RBFOX1: variants seen among roughly 807,000 people sequenced by gnomAD.
The protein encoded by RBFOX1 is RNA binding protein fox-1 homolog 1.
In RBFOX1, 8 loss-of-function variants were observed where a neutral mutation model predicts 57.7. The ratio of observed to expected loss-of-function variants is 0.14; its 90% confidence interval spans 0.08 to 0.25. The LOEUF (loss-of-function observed/expected upper bound fraction) is 0.25. Ranked by LOEUF, RBFOX1 falls within the 10% of genes least tolerant of loss-of-function variation. The pLI is 1.00. For missense variants in RBFOX1, 611 were observed against 548.5 expected (o/e 1.11, Z -1.14); for synonymous variants, 326 against 222.4 (o/e 1.47, Z -4.15).
At chr16:6,822,471 T>A (rs1603628977) in intron 3 of RBFOX1, among the ~76,000 whole-genome samples, 1 of 152,176 alleles carries the variant, frequency 6.6e-6, no homozygotes, top group East Asian at 1.9e-4. Flanking sequence ...GAGAAAGGGT[T>A]ATAAATAAAA....
intron 4 of RBFOX1, among the ~76,000 whole-genome samples, chr16:5,960,995 T>C (rs2059736779): frequency 6.6e-6 from 1 of 152,132 alleles, no homozygotes; most frequent in Admixed American, 6.5e-5. Context: ...GGGAAAAAGC[T>C]ACCTTCTCCG....
At position 7,506,734 on chromosome 16, in the gene RBFOX1, G is replaced by A. The variant is rs191533869; in HGVS notation, c.28-11413G>A. Among the ~76,000 whole-genome samples, 11 of 152,214 alleles carry A rather than the reference G, an allele frequency of 7.2e-5. No individual in the cohort carries two copies. In the East Asian group the frequency reaches 1.9e-3, roughly 27 times the overall value. On this transcript the variant is annotated intron_variant, in intron 4 of 15. Transcript: ENST00000550418. ...TACTAATGTACGAGATCCATGTGTT[G>A]GAAAGTGTTTTCCATTTGTTTAGCA...
At chr16:6,316,293 C>G (rs187203785) in intron 1 of RBFOX1, among the ~76,000 whole-genome samples, 1 of 152,198 alleles carries the variant, frequency 6.6e-6, no homozygotes, top group East Asian at 1.9e-4. Flanking sequence ...TTATAATAGC[C>G]ATTTGCAGTT....
chr16:6,225,058 G>T (rs561557195), intron 1 of RBFOX1, among the ~76,000 whole-genome samples: 2 of 147,054 alleles, frequency 1.4e-5, no homozygotes, highest in East Asian at 4.0e-4. Context: ...ACTCACTCCA[G>T]GAATTTGGGG....
chr16:5,348,385 C>G (rs1024148591), intron 1 of RBFOX1, among the ~76,000 whole-genome samples: 4 of 152,194 alleles, frequency 2.6e-5, no homozygotes, highest in African/African-American at 9.7e-5. Flanking sequence ...CTACATACTA[C>G]CTACTGTGTT....
chr16:7,473,896 A>G (rs897282762), intron 4 of RBFOX1, among the ~76,000 whole-genome samples: 2 of 152,170 alleles, frequency 1.3e-5, no homozygotes, highest in African/African-American at 4.8e-5. Flanking sequence ...TCCAGCTCTC[A>G]AACTTTTTGT....
intron 3 of RBFOX1, among the ~76,000 whole-genome samples, chr16:6,667,838 A>G (rs1358113596): frequency 3.3e-5 from 5 of 152,026 alleles, no homozygotes; most frequent in African/African-American, 1.2e-4. Context: ...GCAGTGACCT[A>G]TAGTCGTACC....
chr16:6,352,646 A>G (rs931983672), intron 2 of RBFOX1, among the ~76,000 whole-genome samples: 17 of 152,326 alleles, frequency 1.1e-4, no homozygotes, highest in African/African-American at 3.8e-4. Flanking sequence ...GTCATTCATT[A>G]CTTTTAGAAA....
At chr16:5,814,400 C>A (rs543926978) in intron 3 of RBFOX1, among the ~76,000 whole-genome samples, 1 of 152,152 alleles carries the variant, frequency 6.6e-6, no homozygotes, top group Non-Finnish European at 1.5e-5. Flanking sequence ...CCAACTTTTT[C>A]CCTCTTCCGA....
intron 2 of RBFOX1, among the ~76,000 whole-genome samples, chr16:6,431,497 T>C (rs1245592205): frequency 6.6e-6 from 1 of 151,718 alleles, no homozygotes; most frequent in Non-Finnish European, 1.5e-5. Context: ...GGTATCTGAG[T>C]AAATGTCTGC....
Position 7,575,225 on chromosome 16 carries a change from C to T in RBFOX1, c.271-4552C>T, listed in dbSNP as rs754010448. 3.3e-5 allele frequency among the ~76,000 whole-genome samples: 5 copies of T among 152,124 alleles called. No individual in the cohort carries two copies. In the East Asian group the frequency reaches 5.9e-4, roughly 18 times the overall value. ...TCTCGGCTCATTGTAACCTCTGCCT[C>T]CTGGATTCAAGCGATTCTCCTGCCT... On this transcript the variant is annotated intron_variant, in intron 5 of 15. Coordinates refer to ENST00000550418, the MANE Select transcript of RBFOX1 (RefSeq NM_018723.4).
chr16:6,124,465 A>G (rs1185077545), intron 1 of RBFOX1, among the ~76,000 whole-genome samples: 1 of 152,116 alleles, frequency 6.6e-6, no homozygotes, highest in Non-Finnish European at 1.5e-5. Context: ...TTCACTCCAG[A>G]CTGGGACCTG....
intron 4 of RBFOX1, among the ~76,000 whole-genome samples, chr16:7,365,324 G>C (rs571829328): frequency 1.3e-5 from 2 of 152,292 alleles, no homozygotes; most frequent in Non-Finnish European, 2.9e-5. Context: ...GAGTATATCT[G>C]AGACTGAGAA....
chr16:7,265,594 A>C (rs547181756), intron 4 of RBFOX1, among the ~76,000 whole-genome samples: 1 of 151,404 alleles, frequency 6.6e-6, no homozygotes, highest in South Asian at 2.1e-4. Context: ...GATTACAGGC[A>C]CCCACCACCA....
intron 3 of RBFOX1, among the ~76,000 whole-genome samples, chr16:6,820,227 G>T (rs547676663): frequency 6.6e-6 from 1 of 152,286 alleles, no homozygotes; most frequent in South Asian, 2.1e-4. Flanking sequence ...ATGTGCAACT[G>T]TGAGTCGATT....
intron 3 of RBFOX1, among the ~76,000 whole-genome samples, chr16:6,934,653 G>T (rs185822195): frequency 6.6e-6 from 1 of 152,148 alleles, no homozygotes. Context: ...AGAAAGACAA[G>T]TACCATATTC....
chr16:5,472,136 G>C (rs530703894), intron 2 of RBFOX1, among the ~76,000 whole-genome samples: 1 of 152,012 alleles, frequency 6.6e-6, no homozygotes, highest in Non-Finnish European at 1.5e-5. Context: ...TTATTATCAC[G>C]GCTCTCTCCC....
chr16:6,429,224 G>T (rs1192339141), intron 2 of RBFOX1, among the ~76,000 whole-genome samples: 1 of 152,238 alleles, frequency 6.6e-6, no homozygotes, highest in African/African-American at 2.4e-5. Flanking sequence ...TGTGGAGAGA[G>T]CTTTGGTGGA....
chr16:7,414,561 T>G (rs1161298250), intron 4 of RBFOX1, among the ~76,000 whole-genome samples: 3 of 152,242 alleles, frequency 2.0e-5, no homozygotes. Context: ...AGGAACTTGT[T>G]GAAGGTCTAC....
Sources: allele counts gnomAD v4.1 joint callset (sites outside exome capture counted in the v4.1 genomes callset), GRCh38; gene constraint gnomAD v4.1.1; transcripts MANE v1.5; gene names NCBI Gene and HGNC (gene_info 2026-07-23, HGNC 2026-07-21).